TUSC3: variants seen among roughly 807,000 people sequenced by gnomAD.
The protein encoded by TUSC3 is dolichyl-diphosphooligosaccharide--protein glycosyltransferase subunit TUSC3.
TUSC3 carries 45 observed loss-of-function variants against 44.8 expected under a neutral mutation model. The observed-to-expected ratio is 1.00, with a 90% CI of 0.79 to 1.29. The LOEUF (loss-of-function observed/expected upper bound fraction) is 1.29, where lower values mean the gene tolerates loss of function less well. Ranked by LOEUF, TUSC3 falls within the 50% of genes most tolerant of loss-of-function variation. The pLI is 0.00. For synonymous variants in TUSC3, 212 were observed against 152.9 expected (o/e 1.39, Z -2.85); for missense variants, 519 against 437.9 (o/e 1.19, Z -1.65).
intron 6 of TUSC3, among the ~76,000 whole-genome samples, chr8:15,717,222 C>T (rs1248730112): frequency 6.6e-6 from 1 of 151,858 alleles, no homozygotes; most frequent in Non-Finnish European, 1.5e-5. Flanking sequence ...TAGAAAAAAA[C>T]TTCATTAAAG....
intron 2 of TUSC3, among the ~76,000 whole-genome samples, chr8:15,485,531 T>A (rs1400662716): frequency 6.7e-6 from 1 of 148,488 alleles, no homozygotes; most frequent in Non-Finnish European, 1.5e-5. Context: ...GCCACTTGCA[T>A]TCTCTGCTCC....
chr8:15,705,516 A>T (rs988719349), intron 6 of TUSC3, among the ~76,000 whole-genome samples: 1 of 152,104 alleles, frequency 6.6e-6, no homozygotes, highest in Admixed American at 6.6e-5. Context: ...TCTTGTATAT[A>T]ACCAATTTTG....
At chr8:15,847,778 A>G in the TUSC3 span, among the ~76,000 whole-genome samples, 8 of 152,140 alleles carry the variant, frequency 5.3e-5, no homozygotes, top group African/African-American at 1.9e-4. Context: ...ATAGAGTAGC[A>G]ATGGGGGCCA....
At chr8:15,841,249 A>G in the TUSC3 span, among the ~76,000 whole-genome samples, 228 of 152,202 alleles carry the variant, frequency 1.5e-3, no homozygotes, top group African/African-American at 5.2e-3. Flanking sequence ...TTCTAACTCT[A>G]TATTCTAAAG....
chr8:15,570,104 G>C (rs989180998), intron 1 of TUSC3, among the ~76,000 whole-genome samples: 8 of 151,948 alleles, frequency 5.3e-5, no homozygotes, highest in African/African-American at 1.9e-4. Context: ...TACTACTCTT[G>C]GTTATAGCTT....
the TUSC3 span, among the ~76,000 whole-genome samples, chr8:15,811,693 G>T: frequency 6.6e-6 from 1 of 152,244 alleles, no homozygotes; most frequent in South Asian, 2.1e-4. Context: ...TGAGGAGAGG[G>T]GTGAAGGAAG....
chr8:15,792,972 GC>G, the TUSC3 span, among the ~76,000 whole-genome samples: 2 of 151,780 alleles, frequency 1.3e-5, no homozygotes, highest in Non-Finnish European at 1.5e-5. Flanking sequence ...TCTGTAAGGC[GC>G]CTACCTCCTG....
intron 1 of TUSC3, among the ~76,000 whole-genome samples, chr8:15,589,075 C>T (rs1384408302): frequency 1.3e-5 from 2 of 151,586 alleles, no homozygotes; most frequent in Admixed American, 6.6e-5. Context: ...TTCTTTGTCT[C>T]TTCTTATTTT....
intron 2 of TUSC3, among the ~76,000 whole-genome samples, chr8:15,523,811 A>T (rs904319111): frequency 1.7e-4 from 26 of 150,862 alleles, no homozygotes; most frequent in African/African-American, 6.1e-4. Context: ...TAATCCCAGC[A>T]CTTTGAAAGG....
intron 2 of TUSC3, among the ~76,000 whole-genome samples, chr8:15,634,179 A>G (rs933545718): frequency 6.6e-6 from 1 of 152,212 alleles, no homozygotes; most frequent in Non-Finnish European, 1.5e-5. Context: ...GAGTGTATGT[A>G]GTGCCCCTGT....
chr8:15,587,251 C>G (rs1414086285), intron 1 of TUSC3, among the ~76,000 whole-genome samples: 3 of 152,112 alleles, frequency 2.0e-5, no homozygotes, highest in Non-Finnish European at 4.4e-5. Context: ...CACTGCTCTC[C>G]CTGTATCCAT....
chr8:15,432,818 C>A (rs1054060006), intron 1 of TUSC3, among the ~76,000 whole-genome samples: 3 of 152,194 alleles, frequency 2.0e-5, no homozygotes, highest in East Asian at 1.9e-4. Flanking sequence ...GCTTCCCCCA[C>A]ATGGAAAACT....
chr8:15,711,458 AG>A (rs1809847282), intron 6 of TUSC3, among the ~76,000 whole-genome samples: 1 of 109,640 alleles, frequency 9.1e-6, no homozygotes, highest in African/African-American at 3.5e-5. Flanking sequence ...AAAAACAAAA[AG>A]GTACGTGTGT....
At chr8:15,732,295 G>T (rs1162210392) in intron 7 of TUSC3, among the ~76,000 whole-genome samples, 2 of 152,102 alleles carry the variant, frequency 1.3e-5, no homozygotes, top group Non-Finnish European at 2.9e-5. Context: ...AATTTTGGGG[G>T]TGGGTTTTTC....
At chr8:15,817,755 G>A in the TUSC3 span, among the ~76,000 whole-genome samples, 2 of 152,052 alleles carry the variant, frequency 1.3e-5, no homozygotes, top group Non-Finnish European at 2.9e-5. Flanking sequence ...CCCAGTCTTG[G>A]GTATGTCTTT....
At chr8:15,455,024 G>T (rs867149798) in intron 1 of TUSC3, among the ~76,000 whole-genome samples, 1 of 152,140 alleles carries the variant, frequency 6.6e-6, no homozygotes. Flanking sequence ...GGGTTGGAGG[G>T]TACAAGATGT....
intron 2 of TUSC3, among the ~76,000 whole-genome samples, chr8:15,633,022 C>T (rs1210849226): frequency 3.3e-5 from 5 of 152,092 alleles, no homozygotes; most frequent in East Asian, 1.9e-4. Context: ...GCTAGGTGTA[C>T]GCTTTACTGC....
chr8:15,769,909 A>G (rs1812411376), downstream of TUSC3, among the ~76,000 whole-genome samples: 1 of 152,212 alleles, frequency 6.6e-6, no homozygotes, highest in Non-Finnish European at 1.5e-5. Flanking sequence ...TTGAAAAGGA[A>G]ACAACAGGTG....
At chr8:15,573,518 C>G (rs913267133) in intron 1 of TUSC3, among the ~76,000 whole-genome samples, 11 of 151,882 alleles carry the variant, frequency 7.2e-5, no homozygotes, top group African/African-American at 2.7e-4. Flanking sequence ...GAACCTGAAC[C>G]TAGCTGGCTT....
Sources: allele counts gnomAD v4.1 joint callset (sites outside exome capture counted in the v4.1 genomes callset), GRCh38; gene constraint gnomAD v4.1.1; transcripts MANE v1.5; gene names NCBI Gene and HGNC (gene_info 2026-07-23, HGNC 2026-07-21).